The following KIF1A variants were observed in gnomAD, a reference collection of about 807,000 sequenced individuals.
KIF1A encodes the protein kinesin-like protein KIF1A.
Under a neutral mutation model 227.3 loss-of-function variants are expected in KIF1A, and 46 were observed. The ratio of observed to expected loss-of-function variants is 0.20; its 90% CI spans 0.16 to 0.26. The LOEUF is 0.26. Among genes scored for constraint, KIF1A ranks in the 10% least tolerant of loss-of-function variants. KIF1A has a pLI of 1.00. For synonymous variants in KIF1A, 1,022 were observed against 1,012.8 expected, an observed-to-expected ratio of 1.01 and a Z score of -0.17; for missense variants, 1,683 against 2,485.9, an observed-to-expected ratio of 0.68 and a Z score of 6.87.
intron 42 of KIF1A, among the ~76,000 whole-genome samples, chr2:240,723,123 G>A (rs1405321780): frequency 1.3e-5 from 2 of 152,208 alleles, no homozygotes; most frequent in African/African-American, 2.4e-5. Flanking sequence ...CCAGCCCCGC[G>A]ACTCTCCTTC....
intron 33 of KIF1A, among the ~76,000 whole-genome samples, chr2:240,743,596 G>A (rs755506308): frequency 6.6e-6 from 1 of 152,154 alleles, no homozygotes; most frequent in Non-Finnish European, 1.5e-5. Flanking sequence ...TGGCACAGCT[G>A]GGCCCCTTTC....
At position 240,725,391 on chromosome 2, in the gene KIF1A, G is replaced by A. The variant is rs777068610; in HGVS notation, c.4136C>T (p.Thr1379Ile). Residue 1379 changes from threonine (T) to isoleucine (I), a missense_variant, in exon 40 of 49, where the codon ACC (threonine) becomes ATC (isoleucine). This residue lies in a region of KIF1A where 759 missense variants were observed against 1,020.2 expected (regional missense o/e 0.74). Coordinates refer to ENST00000498729, the MANE Select transcript of KIF1A (RefSeq NM_001244008.2). This position sits in a 1 kb window ranked among gnomAD's most constrained non-coding sequence, Gnocchi z 5.8. ...GTCCTTGGTGACAACAGCCGGCTGG[G>A]TGCAGTTCTCCATCTGAGATAGGCG... ...LSAYIEMENC[T>I]QPAVVTKDFC... 6.2e-7 allele frequency: 1 copy of A among 1,612,396 alleles called. No homozygotes were observed. The highest frequency in any genetic ancestry group is 1.1e-5 in the South Asian group (1 of 91,018).
intron 38 of KIF1A, among the ~76,000 whole-genome samples, chr2:240,732,916 G>A (rs2046908730): frequency 7.3e-6 from 1 of 136,910 alleles, no homozygotes; most frequent in African/African-American, 2.8e-5. Context: ...GGAAGAGAGG[G>A]GATGAGGGAG....
rs184939069 is a variant in KIF1A at position 240,719,824 on chromosome 2, G to C, written c.4971C>G (p.Asp1657Glu). The change falls in exon 46 of 49, where the codon GAC (aspartate) becomes GAG (glutamate). Residue 1657 changes from aspartate (D) to glutamate (E), a missense_variant. By Grantham distance (45) the Asp-to-Glu change is conservative. Around this residue, in one of 12 missense-constraint regions of KIF1A, gnomAD observed 384 missense variants for 410.1 expected, o/e 0.94. Coordinates refer to ENST00000498729, the MANE Select transcript of KIF1A (RefSeq NM_001244008.2). ...LPSPARATET[D>E]KEPQRLLVPD... The stretch of plus-strand genomic sequence containing the variant: ...GGACCAGCAGGCGCTGGGGCTCCTT[G>C]TCTGTCTCTGTTGCCCGGGCAGGGG... 1.2e-6 allele frequency: 2 copies of C among 1,610,726 alleles called. No homozygotes were observed. The highest frequency in any genetic ancestry group is 2.2e-5 in the East Asian group (1 of 44,816).
At chr2:240,738,904 C>T (rs2047652031) in intron 37 of KIF1A, among the ~76,000 whole-genome samples, 1 of 152,222 alleles carries the variant, frequency 6.6e-6, no homozygotes, top group South Asian at 2.1e-4. Context: ...GGCAGTGCTG[C>T]CCCAGGGATC....
intron 43 of KIF1A, 96 bp downstream of exon 43, chr2:240,722,360 C>A: frequency 8.2e-7 from 1 of 1,224,394 alleles, no homozygotes; most frequent in Non-Finnish European, 1.1e-6. Flanking sequence ...ACCAGAGCAG[C>A]CATGGGCAAG....
At position 240,783,626 on chromosome 2, in the gene KIF1A, G is replaced by GCTCA. The variant is rs1330576766; in HGVS notation, c.798+109_798+112dup. The GCTCA allele has an allele frequency of 2.5e-4, 196 of 770,838 alleles. 1 individual carries two copies. The East Asian group carries it at 5.3e-3, about 21-fold the overall frequency. 47.7% of individuals were successfully genotyped at this position (770,838 alleles called of 1,614,324 possible). ...GCCTATGCCCACCCTCCCTATGCAG[G>GCTCA]CTCACCCTCAGGGTGGCCCAGGCCC... On this transcript the variant is annotated intron_variant, in intron 8 of 48. Transcript: ENST00000498729.
chr2:240,722,602 G>T lies in KIF1A; in HGVS notation c.4519C>A (p.Arg1507=), dbSNP rs755721997. 6.4e-7 allele frequency: 1 copy of T among 1,564,516 alleles called. No individual in the cohort carries two copies. The highest frequency in any genetic ancestry group is 2.4e-5 in the East Asian group (1 of 42,544). The part of the protein sequence containing the change: ...LLREKLETAQ[R]PVPEALSPAF... ...GGGGACAGTGCCTCCGGGACAGGCC[G>T]CTGGGCGGTCTCCAGCTTCTCCCGC... is the stretch of plus-strand genomic sequence containing the variant. Residue 1507 remains arginine, a synonymous_variant, in exon 43 of 49, where the codon CGG becomes AGG. Transcript: ENST00000498729.
chr2:240,800,522 C>A (rs115675472), intron 1 of KIF1A, among the ~76,000 whole-genome samples: 2 of 152,130 alleles, frequency 1.3e-5, no homozygotes, highest in Non-Finnish European at 2.9e-5. Context: ...ATTCTGCGCA[C>A]GGGGCAAGAG....
chr2:240,734,726 T>C (rs1217209247), intron 38 of KIF1A: 9 of 1,304,464 alleles, frequency 6.9e-6, no homozygotes, highest in Non-Finnish European at 9.1e-6. Context: ...TACCTAGGTA[T>C]GTCCGAATCA....
At position 240,743,878 on chromosome 2, in the gene KIF1A, T is replaced by A. The variant is rs540422832; in HGVS notation, c.3584+64A>T. On this transcript the variant is annotated intron_variant, in intron 33 of 48. Coordinates refer to ENST00000498729, the MANE Select transcript of KIF1A (RefSeq NM_001244008.2). Reference sequence around the variant, plus strand: ...GCTCTGCAGCCTCAAGACAGCTGGATGAAAAGATCTGGGCAGGGGCTTTGA... The same window carrying A: ...GCTCTGCAGCCTCAAGACAGCTGGAAGAAAAGATCTGGGCAGGGGCTTTGA... The A allele has an allele frequency of 1.0e-4, 111 of 1,099,664 alleles. 1 individual carries two copies. In the African/African-American group the frequency reaches 1.5e-3, roughly 15 times the overall value. 68.1% of individuals were successfully genotyped at this position (1,099,664 alleles called of 1,614,324 possible).
rs776860368 is a variant in KIF1A at position 240,769,709 on chromosome 2, G to A, written c.1342-3C>T. ...TCAGCTATGATCTTCTCTGTTTCCT[G>A]GGGATTGAGGCAGAGCACAGTGAGC... On this transcript the variant is annotated splice_region_variant and splice_polypyrimidine_tract_variant and intron_variant, in intron 15 of 48. Transcript: ENST00000498729. 7 of 1,612,972 alleles carry A rather than the reference G, an allele frequency of 4.3e-6. No homozygotes were observed. The highest frequency in any genetic ancestry group is 1.7e-4 in the Middle Eastern group (1 of 6,060).
Position 240,731,875 on chromosome 2 carries a change from G to A in KIF1A, c.4008-4935C>T, listed in dbSNP as rs889843341. On this transcript the variant is annotated intron_variant, in intron 38 of 48. Transcript: ENST00000498729. ...TTAGTGTCTGCTATGGGGATTGGGG[G>A]GTAAGGGATGAGGGGAGGAGGGGAG... Among the ~76,000 whole-genome samples the A allele has an allele frequency of 7.2e-5, 10 of 139,474 alleles. No homozygotes were observed. In the East Asian group the frequency reaches 1.8e-3, roughly 25 times the overall value. 91.5% of individuals were successfully genotyped at this position (139,474 alleles called of 152,430 possible).
intron 38 of KIF1A, chr2:240,728,315 G>A (rs1035618937): frequency 2.1e-5 from 20 of 944,642 alleles, no homozygotes; most frequent in Middle Eastern, 2.5e-4. Flanking sequence ...GCAGGCAGAC[G>A]CCGAGGAGAA....
Position 240,719,925 on chromosome 2 carries a change from T to A in KIF1A, c.4870A>T (p.Thr1624Ser), listed in dbSNP as rs2045086835. 6.2e-7 allele frequency: 1 copy of A among 1,606,344 alleles called. No individual in the cohort carries two copies. ...EGRYGATDLR[T>S]PQPCSRPASP... ...GCTGGCCGGGAGCAGGGCTGCGGGG[T>A]CCTGGGAAGCAGAGGGAAGTGCTGC... The change falls in exon 46 of 49, where the codon ACC becomes TCC. Residue 1624 changes from threonine to serine, a missense_variant and splice_region_variant. By Grantham distance (58) the Thr-to-Ser change is moderately conservative (BLOSUM62 1). This residue lies in a region of KIF1A where 384 missense variants were observed against 410.1 expected (regional missense o/e 0.94). Coordinates refer to ENST00000498729, the MANE Select transcript of KIF1A (RefSeq NM_001244008.2).
At chr2:240,720,884 A>T in intron 45 of KIF1A, 30 bp downstream of exon 45, 1 of 1,529,568 alleles carries the variant, frequency 6.5e-7, no homozygotes, top group Admixed American at 2.0e-5. Context: ...TGGTGCCAGA[A>T]GCCACTCCGG....
At position 240,715,409 on chromosome 2, in the gene KIF1A, C is replaced by A. The variant is rs1477065469; in HGVS notation, c.*1955G>T. The A allele has an allele frequency of 1.3e-5, 2 of 152,370 alleles. No individual in the cohort carries two copies. Among genetic ancestry groups the A allele is most frequent in the East Asian group, 1.9e-4 (1 of 5,272 alleles). The allele number at this position is 152,370 out of a possible 1,614,324, so 9.4% of individuals were successfully genotyped here. ...CTGATTCTCCCTCACAGAACCCCCC[C>A]ATCAGCCCCTGGGAGAGCCTCCCAG... On this transcript the variant is annotated 3_prime_UTR_variant, in exon 49 of 49. Transcript: ENST00000498729.
chr2:240,809,530 G>A (rs2057696894), intron 1 of KIF1A, among the ~76,000 whole-genome samples: 1 of 152,178 alleles, frequency 6.6e-6, no homozygotes, highest in Non-Finnish European at 1.5e-5. Flanking sequence ...ACACTGGTTG[G>A]CAATATGGAG....
At position 240,758,293 on chromosome 2, in the gene KIF1A, T is replaced by TCC; in HGVS notation, c.2582+65_2582+66dup. The TCC allele has an allele frequency of 6.4e-7, 1 of 1,550,406 alleles. No homozygotes were observed. The highest frequency in any genetic ancestry group is 8.7e-7 in the Non-Finnish European group (1 of 1,144,812). On this transcript the variant is annotated intron_variant, in intron 26 of 48. Coordinates refer to ENST00000498729, the MANE Select transcript of KIF1A (RefSeq NM_001244008.2). This position sits in a 1 kb window ranked among gnomAD's most constrained non-coding sequence, Gnocchi z 5.2. ...CTCCTTGTATCAGGCCAGGGCCCAC[T>TCC]CCTACCCCCACTGCCATCTCTCTCT...
Sources: gnomAD v4.1 joint callset for allele counts (sites outside exome capture counted in the v4.1 genomes callset) on GRCh38, gnomAD v4.1.1 for gene constraint, gnomAD v4.1.1 regional missense constraint, Gnocchi (gnomAD v3.1) non-coding constraint, MANE v1.5 for transcripts, NCBI Gene and HGNC (gene_info 2026-07-23, HGNC 2026-07-21) for gene names.